Variants in SLC12A4 observed in about 807,000 individuals in gnomAD.
SLC12A4 encodes electroneutral potassium-chloride cotransporter 1.
In SLC12A4, 84 loss-of-function variants were observed where a neutral mutation model predicts 119.2. The observed-to-expected ratio is 0.70, with a 90% CI of 0.59 to 0.85. The LOEUF (loss-of-function observed/expected upper bound fraction) is 0.85. SLC12A4 is among the 40% of genes least tolerant of loss of function. The probability of loss-of-function intolerance (pLI) is 0.00; values close to 1 mark genes in which losing one functional copy is unlikely to be tolerated. For missense variants in SLC12A4, 1,298 were observed against 1,476.3 expected (o/e 0.88, Z 1.98); for synonymous variants, 599 against 604.6 (o/e 0.99, Z 0.14).
chr16:67,945,467 GTCAGCCCCCAC>G lies in SLC12A4; in HGVS notation c.2923_2933del (p.Val975GlnfsTer14). On this transcript the variant is annotated frameshift_variant, in exon 22 of 24. Coordinates refer to ENST00000316341, the MANE Select transcript of SLC12A4 (RefSeq NM_005072.5). LOFTEE classifies it high-confidence loss of function. The stretch of plus-strand genomic sequence containing the variant: ...CCCTGGTCCACGTCATCTGGATCTT[GTCAGCCCCCAC>G]TGCAGACTCATCTTCCTCGTCCGAG... 6.2e-7 allele frequency: 1 copy of G among 1,614,112 alleles called. No homozygotes were observed. The highest frequency in any genetic ancestry group is 8.5e-7 in the Non-Finnish European group (1 of 1,180,012).
At chr16:67,948,397 AAGGGGAGTAAC>A (rs757202806) in intron 13 of SLC12A4, among the ~76,000 whole-genome samples, 4 of 152,188 alleles carry the variant, frequency 2.6e-5, no homozygotes, top group Non-Finnish European at 5.9e-5. Context: ...AGGAGGTAGG[AAGGGGAGTAAC>A]AGGGCAGAGC....
chr16:67,965,772 G>A (rs1311700020), intron 1 of SLC12A4, among the ~76,000 whole-genome samples: 2 of 152,062 alleles, frequency 1.3e-5, no homozygotes, highest in East Asian at 1.9e-4. Context: ...GGATGGCTCG[G>A]GGCCCTTCCA....
At position 67,953,365 on chromosome 16, in the gene SLC12A4, C is replaced by T. The variant is rs144064933; in HGVS notation, c.676-940G>A. The stretch of plus-strand genomic sequence containing the variant: ...TCATGCCACTGCACTCCAGCTTGGG[C>T]GACAGAGTGAGACTGCATCTCAAAA... On this transcript the variant is annotated intron_variant, in intron 6 of 23. Coordinates refer to ENST00000316341, the MANE Select transcript of SLC12A4 (RefSeq NM_005072.5). Among the ~76,000 whole-genome samples, 63 of 151,944 alleles carry T rather than the reference C, an allele frequency of 4.1e-4. No homozygotes were observed. In the East Asian group the frequency reaches 9.7e-3, roughly 23 times the overall value.
intron 1 of SLC12A4, among the ~76,000 whole-genome samples, chr16:67,967,083 G>A (rs2030899391): frequency 6.6e-6 from 1 of 152,190 alleles, no homozygotes; most frequent in African/African-American, 2.4e-5. Flanking sequence ...CTTGAATCAA[G>A]CTAGGGGCAG....
chr16:67,945,228 T>C lies in SLC12A4; in HGVS notation c.3033-8A>G, dbSNP rs2058328427. 5 of 1,553,586 alleles carry C rather than the reference T, an allele frequency of 3.2e-6. No homozygotes were observed. In the African/African-American group the frequency reaches 5.4e-5, roughly 17 times the overall value. On this transcript the variant is annotated splice_polypyrimidine_tract_variant and splice_region_variant and intron_variant, in intron 22 of 23. Transcript: ENST00000316341. ...CGCACATTGGATTGGTCCCTACACG[T>C]AGTGTAGCCAGTCACAGGTCGCCAT...
At position 67,945,932 on chromosome 16, in the gene SLC12A4, G is replaced by T; in HGVS notation, c.2739+19C>A. 6.2e-7 allele frequency: 1 copy of T among 1,613,108 alleles called. No homozygotes were observed. On this transcript the variant is annotated intron_variant, in intron 20 of 23. Coordinates refer to ENST00000316341, the MANE Select transcript of SLC12A4 (RefSeq NM_005072.5). ...CGGGACATGGTATCCACGGGGCCAG[G>T]GCAGGGCAGAGGGCTCACCATCTCC... is the stretch of plus-strand genomic sequence containing the variant.
intron 3 of SLC12A4, among the ~76,000 whole-genome samples, chr16:67,959,135 A>G (rs2030431496): frequency 6.6e-6 from 1 of 152,184 alleles, no homozygotes; most frequent in Admixed American, 6.5e-5. Context: ...AGGGCAGGTG[A>G]GGAAGATCTA....
chr16:67,963,972 G>A (rs1273563609), intron 1 of SLC12A4: 20 of 1,551,306 alleles, frequency 1.3e-5, no homozygotes, highest in East Asian at 2.4e-5. Context: ...CTCAGGGACC[G>A]CCCAGGCAGT....
rs1426296672 is a variant in SLC12A4, at chr16:67,945,556, G to A, written c.2848-3C>T. 1.2e-6 allele frequency: 2 copies of A among 1,612,526 alleles called. No homozygotes were observed. The highest frequency in any genetic ancestry group is 1.7e-6 in the Non-Finnish European group (2 of 1,179,308). On this transcript the variant is annotated splice_region_variant and splice_polypyrimidine_tract_variant and intron_variant, in intron 21 of 23. Coordinates refer to ENST00000316341, the MANE Select transcript of SLC12A4 (RefSeq NM_005072.5). ...TGCCGATCCTTGACCAGCTGGGCCT[G>A]AGGACAATTGCAGGAGATAGCCTTG...
At chr16:67,961,390 G>T (rs1319884696) in intron 3 of SLC12A4, among the ~76,000 whole-genome samples, 185 bp downstream of exon 3, 1 of 152,048 alleles carries the variant, frequency 6.6e-6, no homozygotes, top group Non-Finnish European at 1.5e-5. Context: ...CCCCCCGGGG[G>T]GATTCTCATT....
rs558862309 is a variant in SLC12A4, at chr16:67,948,099, C to T, written c.1809G>A (p.Arg603=). ...NLACAVQTLL[R]TPNWRPRFKY... The stretch of plus-strand genomic sequence containing the variant: ...TGAACCGGGGCCGCCAGTTGGGGGT[C>T]CTCAGGAGTGTCTGCACCGCACAGG... Residue 603 remains arginine (R), a synonymous_variant, in exon 14 of 24, where the codon AGG becomes AGA. Transcript: ENST00000316341. 1 of 1,613,266 alleles carries T rather than the reference C, an allele frequency of 6.2e-7. No individual in the cohort carries two copies. Among genetic ancestry groups the T allele is most frequent in the Admixed American group, 1.7e-5 (1 of 60,026 alleles).
Position 67,947,372 on chromosome 16 carries a change from CA to C in SLC12A4, c.2030del (p.Leu677ArgfsTer22), listed in dbSNP as rs777924709. Reference sequence around the variant, plus strand: ...GAGGAGGCCCCTCCTCCAGCCGCAACAGCGCGTAGCGGGCAGCGCTCAGGGA... The same window carrying C: ...GAGGAGGCCCCTCCTCCAGCCGCAACGCGCGTAGCGGGCAGCGCTCAGGGA... ...GLSLSAARYA[L>X]LRLEEGPPHT... is the part of the protein sequence containing the mutation. On this transcript the variant is annotated frameshift_variant, in exon 16 of 24. Transcript: ENST00000316341. LOFTEE classifies it high-confidence loss of function. 2.5e-6 allele frequency: 4 copies of C among 1,612,722 alleles called. No individual in the cohort carries two copies. The highest frequency in any genetic ancestry group is 2.5e-6 in the Non-Finnish European group (3 of 1,179,866).
intron 22 of SLC12A4, 44 bp from the exon 23 acceptor site, chr16:67,945,264 G>A (rs2058329353): frequency 6.4e-7 from 1 of 1,555,488 alleles, no homozygotes; most frequent in African/African-American, 1.4e-5. Flanking sequence ...GAGCCATCCT[G>A]CAAGGAGGGT....
In SLC12A4 at chr16:67,968,463, G is replaced by T; in HGVS notation, c.91C>A (p.Arg31Ser). ...CCGTCCGAGTCATCCAGCTCGGCGC[G>T]CTCCCCGTAGTCCACCCAACTGAGC... is the stretch of plus-strand genomic sequence containing the variant. ...EGLSWVDYGE[R>S]AELDDSDGHG... is the part of the protein sequence containing the mutation. Residue 31 changes from arginine to serine, a missense_variant, in exon 1 of 24, where the codon CGC becomes AGC. Physicochemically the swap from Arg to Ser is moderately radical, Grantham distance 110. Transcript: ENST00000316341. The T allele has an allele frequency of 1.3e-6, 2 of 1,579,514 alleles. No individual in the cohort carries two copies.
At chr16:67,962,602 G>A (rs2030640805) in intron 2 of SLC12A4, 1 of 152,268 alleles carries the variant, frequency 6.6e-6, no homozygotes, top group Non-Finnish European at 1.5e-5. Context: ...AGCACTTTGA[G>A]AGGCTGAGCA....
intron 3 of SLC12A4, among the ~76,000 whole-genome samples, chr16:67,959,104 CAGAG>C (rs951067070): frequency 2.0e-5 from 3 of 152,154 alleles, no homozygotes; most frequent in Admixed American, 6.5e-5. Flanking sequence ...GAAAATCCTA[CAGAG>C]AAAGTGCTCA....
chr16:67,960,491 T>C (rs989896695), intron 3 of SLC12A4, among the ~76,000 whole-genome samples: 1 of 151,848 alleles, frequency 6.6e-6, no homozygotes, highest in South Asian at 2.1e-4. Context: ...CAGTGGGGTC[T>C]ACCTTCTCTG....
At chr16:67,955,705 AC>A (rs1483819585) in intron 5 of SLC12A4, among the ~76,000 whole-genome samples, 9 of 151,992 alleles carry the variant, frequency 5.9e-5, no homozygotes, top group Non-Finnish European at 1.3e-4. Context: ...ACACGATGAA[AC>A]CCCGTCTCTA....
chr16:67,954,273 G>A (rs77262706), intron 6 of SLC12A4: 4,964 of 329,044 alleles, frequency 0.015, 117 homozygotes, highest in African/African-American at 0.063. Flanking sequence ...ACAGAGCCCC[G>A]GAGGACACAG....
Sources: allele counts gnomAD v4.1 joint callset (sites outside exome capture counted in the v4.1 genomes callset), GRCh38; gene constraint gnomAD v4.1.1; transcripts MANE v1.5; gene names NCBI Gene and HGNC (gene_info 2026-07-23, HGNC 2026-07-21).